Variants in USP43 observed in about 807,000 individuals in gnomAD.
USP43 encodes ubiquitin carboxyl-terminal hydrolase 43.
A neutral mutation model predicts 90.7 loss-of-function variants in USP43; 33 were observed. That is an observed-to-expected ratio of 0.36 (90% CI 0.28 to 0.49). The LOEUF is 0.49. Ranked by LOEUF, USP43 falls within the 20% of genes least tolerant of loss-of-function variation. The pLI, the probability that USP43 is intolerant of heterozygous loss-of-function variation, is 0.98. For synonymous variants in USP43, 598 were observed against 615.8 expected, an observed-to-expected ratio of 0.97 and a Z score of 0.43; for missense variants, 1,274 against 1,476.4, an observed-to-expected ratio of 0.86 and a Z score of 2.25.
intron 12 of USP43, among the ~76,000 whole-genome samples, chr17:9,705,775 C>T (rs1483930139): frequency 7.2e-6 from 1 of 139,728 alleles, no homozygotes; most frequent in Non-Finnish European, 1.5e-5. Context: ...ACAACAACAA[C>T]AGCAAAAAAA....
At chr17:9,661,018 T>A in intron 2 of USP43, among the ~76,000 whole-genome samples, 1 of 152,194 alleles carries the variant, frequency 6.6e-6, no homozygotes, top group Non-Finnish European at 1.5e-5. Context: ...AACTCTGATT[T>A]TTTTTCTCTT....
At chr17:9,652,234 A>AAAAAAAG (rs61023073) in intron 1 of USP43, among the ~76,000 whole-genome samples, 11 of 149,668 alleles carry the variant, frequency 7.3e-5, no homozygotes, top group African/African-American at 2.0e-4. Flanking sequence ...AAAAAAGAAA[A>AAAAAAAG]GAAAAGAAAG....
chr17:9,667,942 A>G (rs964739544), intron 3 of USP43, among the ~76,000 whole-genome samples: 3 of 152,200 alleles, frequency 2.0e-5, no homozygotes, highest in Non-Finnish European at 4.4e-5. Context: ...CTACAGACAC[A>G]TGGTAAGTGG....
chr17:9,691,826 G>A (rs1004034901), intron 8 of USP43, among the ~76,000 whole-genome samples: 3 of 150,700 alleles, frequency 2.0e-5, no homozygotes, highest in African/African-American at 7.3e-5. Context: ...AGGCGGATGA[G>A]GTCAGGAGAT....
chr17:9,656,290 C>A, intron 1 of USP43, 113 bp from the exon 2 acceptor site: 1 of 1,363,480 alleles, frequency 7.3e-7, no homozygotes, highest in South Asian at 1.5e-5. Context: ...TGTGTGCTGT[C>A]ATCCCAGGTC....
At chr17:9,707,640 CTG>C (rs1250579344) in intron 12 of USP43, among the ~76,000 whole-genome samples, 1 of 116,502 alleles carries the variant, frequency 8.6e-6, no homozygotes, top group African/African-American at 4.3e-5. Flanking sequence ...GACCGAGACT[CTG>C]TCTCAAAAAA....
chr17:9,711,648 C>G (rs1224550578), intron 13 of USP43, among the ~76,000 whole-genome samples: 2 of 152,116 alleles, frequency 1.3e-5, no homozygotes, highest in East Asian at 3.9e-4. Context: ...TCAGGCTGGT[C>G]TTGAACTCCT....
At chr17:9,695,193 T>C (rs945312127) in intron 9 of USP43, among the ~76,000 whole-genome samples, 1 of 145,978 alleles carries the variant, frequency 6.9e-6, no homozygotes, top group African/African-American at 2.6e-5. Context: ...CTGGTACAGC[T>C]CTCTCTGGCA....
intron 9 of USP43, among the ~76,000 whole-genome samples, chr17:9,696,493 G>T (rs1915275515): frequency 6.6e-6 from 1 of 152,130 alleles, no homozygotes; most frequent in African/African-American, 2.4e-5. Context: ...AAGTCTCCTA[G>T]ATCCATATCT....
intron 13 of USP43, 102 bp from the exon 14 acceptor site, chr17:9,711,866 T>C: frequency 7.6e-7 from 1 of 1,324,358 alleles, no homozygotes; most frequent in Non-Finnish European, 9.9e-7. Context: ...GTTCTGGGGC[T>C]GAAGGATGGG....
intron 1 of USP43, chr17:9,647,013 G>T (rs568533515): frequency 1.1e-4 from 15 of 134,836 alleles, no homozygotes; most frequent in African/African-American, 3.8e-4. Context: ...TGGGGTCCCA[G>T]TTGGATTAAA....
Position 9,646,202 on chromosome 17 carries a change from G to A in USP43, c.504+66G>A, listed in dbSNP as rs866501637. The A allele has an allele frequency of 5.9e-6, 8 of 1,365,230 alleles. No individual in the cohort carries two copies. The African/African-American group carries it at 9.2e-5, about 16-fold the overall frequency. 84.6% of individuals were successfully genotyped at this position (1,365,230 alleles called of 1,614,324 possible). A position where few individuals can be genotyped will look rare whatever the true frequency, so the allele number is the denominator to read the frequency against. ...TTCGCCTCTTGAAAAGTGTGTGCAC[G>A]ATCAGGAAAGGGTTTTCTTGGGGCC... On this transcript the variant is annotated intron_variant, in intron 1 of 14. Coordinates refer to ENST00000285199, the MANE Select transcript of USP43 (RefSeq NM_153210.5).
rs536834649 is a variant in USP43 at position 9,720,836 on chromosome 17, TC to T, written c.2336-7114del. On this transcript the variant is annotated intron_variant, in intron 14 of 14. Transcript: ENST00000285199. ...AATAGAGGTGACTACTGGCATTTAT[TC>T]CCCGGGTGGGGCGCAAGGATGCTAA... Among the ~76,000 whole-genome samples, 30 of 152,244 alleles carry T rather than the reference TC, an allele frequency of 2.0e-4. No homozygotes were observed. In the East Asian group the frequency reaches 5.2e-3, roughly 26 times the overall value.
chr17:9,663,861 G>C (rs1912818600), intron 2 of USP43, among the ~76,000 whole-genome samples: 1 of 152,284 alleles, frequency 6.6e-6, no homozygotes, highest in East Asian at 1.9e-4. Context: ...CTGACCTCAG[G>C]TGATCCACCC....
At chr17:9,720,433 G>T (rs1916882231) in intron 14 of USP43, among the ~76,000 whole-genome samples, 1 of 149,004 alleles carries the variant, frequency 6.7e-6, no homozygotes, top group Admixed American at 6.7e-5. Flanking sequence ...TTTTCAAATA[G>T]TGGTTGGTAC....
At chr17:9,697,834 T>C (rs182553335) in intron 9 of USP43, among the ~76,000 whole-genome samples, 41 of 152,320 alleles carry the variant, frequency 2.7e-4, no homozygotes, top group African/African-American at 9.4e-4. Context: ...AATGATTTAT[T>C]TTCCTTTGGG....
upstream of USP43, chr17:9,645,450 G>C (rs542941374): frequency 4.5e-6 from 2 of 447,622 alleles, no homozygotes; most frequent in Non-Finnish European, 6.6e-6. This position sits in a 1 kb window ranked among gnomAD's most constrained non-coding sequence, Gnocchi z 6.8. Flanking sequence ...GGGGCTGGTC[G>C]TGCCGCCGGA....
intron 1 of USP43, among the ~76,000 whole-genome samples, 195 bp downstream of exon 1, chr17:9,646,331 C>T (rs779787434): frequency 2.5e-4 from 38 of 152,136 alleles, no homozygotes; most frequent in Non-Finnish European, 4.6e-4. Context: ...AATTAATTCT[C>T]CTAGGTATTT....
intron 14 of USP43, among the ~76,000 whole-genome samples, chr17:9,721,999 A>G (rs8071703): frequency 0.21 from 31,218 of 151,518 alleles, 4,985 homozygotes; most frequent in African/African-American, 0.45. Flanking sequence ...GCCTCCCACA[A>G]TGCTGGGATT....
Sources: gnomAD v4.1 joint callset for allele counts (sites outside exome capture counted in the v4.1 genomes callset) on GRCh38, gnomAD v4.1.1 for gene constraint, Gnocchi (gnomAD v3.1) non-coding constraint, MANE v1.5 for transcripts, NCBI Gene and HGNC (gene_info 2026-07-23, HGNC 2026-07-21) for gene names.